PLAC1: variants seen among roughly 807,000 people sequenced by gnomAD.
PLAC1 encodes placenta-specific protein 1.
For missense variants in PLAC1, 136 were observed against 163.2 expected (o/e 0.83, Z 0.91); for synonymous variants, 68 against 62.1 (o/e 1.09, Z -0.44).
chrX:134,739,940 C>A (rs907331080), intron 1 of PLAC1, among the ~76,000 whole-genome samples: 3 of 112,234 alleles, frequency 2.7e-5, no homozygotes, highest in Non-Finnish European at 3.8e-5. Flanking sequence ...GACACAAATA[C>A]AGGAATATTC....
intron 2 of PLAC1, among the ~76,000 whole-genome samples, chrX:134,712,570 G>A (rs2078631213): frequency 9.0e-6 from 1 of 111,559 alleles, no homozygotes; most frequent in Middle Eastern, 4.6e-3. Flanking sequence ...CTTTACCTAA[G>A]ATCACATCTC....
intron 2 of PLAC1, among the ~76,000 whole-genome samples, chrX:134,578,182 G>C (rs2077950360): frequency 9.0e-6 from 1 of 111,245 alleles, no homozygotes; most frequent in Non-Finnish European, 1.9e-5. Flanking sequence ...GGGAGGCCCA[G>C]GTGGGCGGAT....
chrX:134,633,315 A>G (rs780369089), intron 1 of PLAC1, among the ~76,000 whole-genome samples: 5 of 111,967 alleles, frequency 4.5e-5, no homozygotes, highest in Non-Finnish European at 7.5e-5. Flanking sequence ...GGAGTTTGGA[A>G]AATTGCTGAT....
At chrX:134,709,154 A>G (rs2078619987) in intron 2 of PLAC1, among the ~76,000 whole-genome samples, 1 of 112,512 alleles carries the variant, frequency 8.9e-6, no homozygotes, top group South Asian at 3.6e-4. Flanking sequence ...AATTCTATGC[A>G]AGTTCAACCA....
At chrX:134,569,953 G>A (rs2077898754) in intron 2 of PLAC1, among the ~76,000 whole-genome samples, 1 of 110,731 alleles carries the variant, frequency 9.0e-6, no homozygotes, top group South Asian at 3.9e-4. Flanking sequence ...AGCCTCCCAA[G>A]TAGCTGGGAC....
chrX:134,678,046 G>C (rs2078481420), intron 2 of PLAC1, among the ~76,000 whole-genome samples: 1 of 111,664 alleles, frequency 9.0e-6, no homozygotes, highest in Non-Finnish European at 1.9e-5. Context: ...GATGGAGACA[G>C]TGCCTCTCCC....
intron 2 of PLAC1, among the ~76,000 whole-genome samples, chrX:134,724,752 C>T (rs2078668717): frequency 8.9e-6 from 1 of 112,248 alleles, no homozygotes; most frequent in Admixed American, 9.4e-5. Context: ...CCTGTAATCC[C>T]AGCACTTTGG....
intron 2 of PLAC1, among the ~76,000 whole-genome samples, chrX:134,687,828 A>G (rs2078522950): frequency 6.4e-5 from 1 of 15,566 alleles, no homozygotes; most frequent in Non-Finnish European, 1.9e-4. Context: ...ATATATATAT[A>G]TATATATATA....
At chrX:134,693,691 G>C (rs1390657886) in intron 2 of PLAC1, among the ~76,000 whole-genome samples, 1 of 111,390 alleles carries the variant, frequency 9.0e-6, no homozygotes, top group East Asian at 2.8e-4. Context: ...GAGAGAGAGA[G>C]AGAGAGACAG....
chrX:134,724,586 A>G (rs768363704), intron 2 of PLAC1, among the ~76,000 whole-genome samples: 1 of 113,099 alleles, frequency 8.8e-6, no homozygotes, highest in East Asian at 2.8e-4. Flanking sequence ...GAAAACAAAG[A>G]TAACTACAAA....
At chrX:134,585,175 C>CAAAAA (rs56343935) in intron 2 of PLAC1, among the ~76,000 whole-genome samples, 20 of 33,471 alleles carry the variant, frequency 6.0e-4, no homozygotes, top group East Asian at 1.2e-3. Flanking sequence ...ACTAAAAGTA[C>CAAAAA]AAAAAAAAAA....
intron 1 of PLAC1, among the ~76,000 whole-genome samples, chrX:134,612,815 AGCTGAATCTGT>A (rs1328640871): frequency 9.0e-6 from 1 of 111,388 alleles, no homozygotes; most frequent in Non-Finnish European, 1.9e-5. Flanking sequence ...GAGCCGGAGT[AGCTGAATCTGT>A]GCTGAATCCA....
At chrX:134,730,298 G>T (rs1002813538) in intron 2 of PLAC1, among the ~76,000 whole-genome samples, 3 of 112,111 alleles carry the variant, frequency 2.7e-5, no homozygotes, top group Non-Finnish European at 5.6e-5. Context: ...CTTCTTCACA[G>T]CCAGCATTGA....
chrX:134,734,592 C>T (rs751804147), intron 1 of PLAC1, among the ~76,000 whole-genome samples: 11 of 112,576 alleles, frequency 9.8e-5, no homozygotes, highest in Non-Finnish European at 1.7e-4. Context: ...CTTGCTACCG[C>T]GAACAGCCAG....
At chrX:134,643,694 T>C (rs1011222317) in intron 1 of PLAC1, among the ~76,000 whole-genome samples, 1 of 111,529 alleles carries the variant, frequency 9.0e-6, no homozygotes, top group Non-Finnish European at 1.9e-5. Flanking sequence ...TGAGTACTCA[T>C]TTGCTCTTAG....
chrX:134,729,020 GC>G (rs1418227845), intron 2 of PLAC1, among the ~76,000 whole-genome samples: 1 of 111,369 alleles, frequency 9.0e-6, no homozygotes, highest in Non-Finnish European at 1.9e-5. Context: ...AGAGCCGTGG[GC>G]CTCTCCACGT....
chrX:134,724,899 G>A lies in PLAC1; in HGVS notation n.174+8536C>T, dbSNP rs1479737812. Reference sequence around the variant, plus strand: ...TGCACCTGTAGTCCCAGCTACTTGGGAGACAGGTGGGAGGATCGCTGGAGC... The same window carrying A: ...TGCACCTGTAGTCCCAGCTACTTGGAAGACAGGTGGGAGGATCGCTGGAGC... On this transcript the variant is annotated intron_variant and non_coding_transcript_variant, in intron 2 of 2. Transcript: ENST00000466797. Among the ~76,000 whole-genome samples the A allele has an allele frequency of 2.7e-5, 3 of 110,657 alleles. No homozygotes were observed. The Admixed American group carries it at 2.9e-4, about 11-fold the overall frequency.
chrX:134,695,298 T>TG (rs1280734526), intron 2 of PLAC1, among the ~76,000 whole-genome samples: 1 of 112,150 alleles, frequency 8.9e-6, no homozygotes, highest in African/African-American at 3.2e-5. Flanking sequence ...TTGGCTGTGC[T>TG]GGGGGGGATA....
In PLAC1 at chrX:134,674,554, C is replaced by G. The variant is rs1602898129; in HGVS notation, n.174+58881G>C. Among the ~76,000 whole-genome samples, 3 of 112,588 alleles carry G rather than the reference C, an allele frequency of 2.7e-5. No individual in the cohort carries two copies. The Middle Eastern group carries it at 0.014, about 521-fold the overall frequency. On this transcript the variant is annotated intron_variant and non_coding_transcript_variant, in intron 2 of 2. Transcript: ENST00000466797. ...CATTCAACCCATACATAACCTCAAT[C>G]ACATGCACTGTGACCCACAAGCATC...
Sources: allele counts gnomAD v4.1 joint callset (sites outside exome capture counted in the v4.1 genomes callset), GRCh38; gene constraint gnomAD v4.1.1; transcripts MANE v1.5; gene names NCBI Gene and HGNC (gene_info 2026-07-23, HGNC 2026-07-21).